UPK1B: variants seen among roughly 807,000 people sequenced by gnomAD.
The protein encoded by UPK1B is uroplakin 1B.
In UPK1B, 28 loss-of-function variants were observed where a neutral mutation model predicts 34.2. The observed-to-expected ratio is 0.82, with a 90% CI of 0.61 to 1.12. UPK1B has a LOEUF of 1.12. Ranked by LOEUF, UPK1B falls within the 50% of genes most tolerant of loss-of-function variation. UPK1B has a pLI of 0.00. For synonymous variants in UPK1B, 81 were observed against 110.4 expected, an observed-to-expected ratio of 0.73 and a Z score of 1.67; for missense variants, 325 against 320.9, an observed-to-expected ratio of 1.01 and a Z score of -0.10.
chr3:119,175,414 G>A (rs2077952036), intron 1 of UPK1B, among the ~76,000 whole-genome samples: 1 of 152,060 alleles, frequency 6.6e-6, no homozygotes, highest in Non-Finnish European at 1.5e-5. Context: ...TCTGGAATTT[G>A]TGCCTGATAG....
chr3:119,191,504 C>T (rs2078044040), intron 5 of UPK1B, among the ~76,000 whole-genome samples: 1 of 152,046 alleles, frequency 6.6e-6, no homozygotes, highest in African/African-American at 2.4e-5. Flanking sequence ...TCCAAGTCTT[C>T]CAGAATATCC....
chr3:119,199,332 T>A (rs2078081427), intron 7 of UPK1B, among the ~76,000 whole-genome samples, 192 bp downstream of exon 7: 1 of 152,186 alleles, frequency 6.6e-6, no homozygotes, highest in Non-Finnish European at 1.5e-5. Context: ...TAACTTCCCC[T>A]ACCAGGGAAA....
At chr3:119,175,072 G>C (rs2077949312) in intron 1 of UPK1B, among the ~76,000 whole-genome samples, 1 of 120,140 alleles carries the variant, frequency 8.3e-6, no homozygotes, top group African/African-American at 3.2e-5. Context: ...CTGAGGCCCA[G>C]GCTGGAGTGC....
At chr3:119,202,008 C>T (rs2078093377) in intron 7 of UPK1B, among the ~76,000 whole-genome samples, 1 of 152,082 alleles carries the variant, frequency 6.6e-6, no homozygotes, top group African/African-American at 2.4e-5. Context: ...CTTGATTTTC[C>T]ACAAGTATCA....
intron 1 of UPK1B, among the ~76,000 whole-genome samples, chr3:119,183,605 C>T (rs904694505): frequency 6.6e-6 from 1 of 152,152 alleles, no homozygotes; most frequent in South Asian, 2.1e-4. Context: ...GCTTCTCCCC[C>T]TAGATCCTTC....
rs2078106838 is a variant in UPK1B at position 119,203,914 on chromosome 3, C to A, written c.733-3C>A. Reference sequence around the variant, plus strand: ...TATTTTTCCTTGTTTTTTTCTATTCCAGTTTTGGGTTCTCCTGGGTACCAT... The same window carrying A: ...TATTTTTCCTTGTTTTTTTCTATTCAAGTTTTGGGTTCTCCTGGGTACCAT... On this transcript the variant is annotated splice_polypyrimidine_tract_variant and splice_region_variant and intron_variant, in intron 7 of 7. Coordinates refer to ENST00000264234, the MANE Select transcript of UPK1B (RefSeq NM_006952.4). 4 of 1,613,276 alleles carry A rather than the reference C, an allele frequency of 2.5e-6. No homozygotes were observed. Among genetic ancestry groups the A allele is most frequent in the Middle Eastern group, 3.3e-4 (2 of 6,082 alleles).
chr3:119,190,345 T>G, intron 4 of UPK1B, 26 bp downstream of exon 4: 1 of 1,546,942 alleles, frequency 6.5e-7, no homozygotes, highest in Non-Finnish European at 8.9e-7. Flanking sequence ...AAAAGCAAAA[T>G]AATATGAATT....
chr3:119,198,216 A>G (rs1245330905), intron 6 of UPK1B, among the ~76,000 whole-genome samples: 1 of 152,174 alleles, frequency 6.6e-6, no homozygotes, highest in Non-Finnish European at 1.5e-5. Context: ...GCTTAAGCTC[A>G]TTCGCTTTAT....
intron 5 of UPK1B, among the ~76,000 whole-genome samples, chr3:119,193,659 A>G (rs1241532431): frequency 6.6e-6 from 1 of 152,212 alleles, no homozygotes; most frequent in African/African-American, 2.4e-5. Flanking sequence ...AAGCAAAACA[A>G]GAACAATTAC....
At chr3:119,198,970 GA>G in intron 6 of UPK1B, 86 bp from the exon 7 acceptor site, 1 of 1,460,832 alleles carries the variant, frequency 6.8e-7, no homozygotes. Context: ...GAGTAGCATT[GA>G]TTCCAATAGG....
At chr3:119,183,783 GAAGATGAATAT>G (rs1422724378) in intron 1 of UPK1B, among the ~76,000 whole-genome samples, 4 of 152,214 alleles carry the variant, frequency 2.6e-5, no homozygotes, top group Admixed American at 2.6e-4. Flanking sequence ...GGTCTGTTGA[GAAGATGAATAT>G]CAAATGCCTA....
Position 119,190,184 on chromosome 3 carries a change from TG to T in UPK1B, c.271-58del. 3 of 1,296,910 alleles carry T rather than the reference TG, an allele frequency of 2.3e-6. No homozygotes were observed. The Admixed American group carries it at 6.0e-5, about 26-fold the overall frequency. 80.3% of individuals were successfully genotyped at this position (1,296,910 alleles called of 1,614,324 possible). A position where few individuals can be genotyped will look rare whatever the true frequency, so the allele number is the denominator to read the frequency against. ...AATTTGCTGAAAAAACATAATTATT[TG>T]GGCAAGTCGCTCTTTGACGGGTAAA... On this transcript the variant is annotated intron_variant, in intron 3 of 7. Coordinates refer to ENST00000264234, the MANE Select transcript of UPK1B (RefSeq NM_006952.4).
chr3:119,184,541 A>G (rs1185239166), intron 1 of UPK1B, among the ~76,000 whole-genome samples: 3 of 148,776 alleles, frequency 2.0e-5, no homozygotes, highest in Non-Finnish European at 3.0e-5. Context: ...AATATGGTGG[A>G]ACCCCATCTC....
intron 4 of UPK1B, 135 bp downstream of exon 4, chr3:119,190,454 C>T (rs554567999): frequency 1.7e-6 from 1 of 574,902 alleles, no homozygotes; most frequent in Non-Finnish European, 3.0e-6. Context: ...ACTTAATCCT[C>T]ATAAATCTAT....
At chr3:119,182,404 T>C (rs1176141024) in intron 1 of UPK1B, among the ~76,000 whole-genome samples, 2 of 152,226 alleles carry the variant, frequency 1.3e-5, no homozygotes. Context: ...CTGCCCTTCC[T>C]AAATATCCTC....
intron 7 of UPK1B, among the ~76,000 whole-genome samples, chr3:119,201,009 A>T (rs2078088231): frequency 6.6e-6 from 1 of 152,208 alleles, no homozygotes; most frequent in African/African-American, 2.4e-5. Flanking sequence ...TTACTGCTTC[A>T]TTGAGGACAA....
At chr3:119,198,851 T>C (rs1171833113) in intron 6 of UPK1B, among the ~76,000 whole-genome samples, 1 of 152,248 alleles carries the variant, frequency 6.6e-6, no homozygotes, top group African/African-American at 2.4e-5. Flanking sequence ...AAATGTGTTG[T>C]GGAATCATTG....
chr3:119,191,167 C>T (rs2078042476), intron 5 of UPK1B, 63 bp downstream of exon 5: 13 of 1,573,362 alleles, frequency 8.3e-6, no homozygotes, highest in Middle Eastern at 1.8e-4. Flanking sequence ...GTGTCATACA[C>T]ATGACTCAGT....
rs1014562510 is a variant in UPK1B, at chr3:119,199,636, C to T, written c.732+496C>T. 8.5e-5 allele frequency among the ~76,000 whole-genome samples: 13 copies of T among 152,252 alleles called. 1 individual carries two copies. Among genetic ancestry groups the T allele is most frequent in the African/African-American group, 2.4e-5 (1 of 41,474 alleles). Reference sequence around the variant, plus strand: ...GAGGTTGGAGCGGTGGTTCTCAGCCCTGGCTACACATTAAAACGCCATGGG... The same window carrying T: ...GAGGTTGGAGCGGTGGTTCTCAGCCTTGGCTACACATTAAAACGCCATGGG... On this transcript the variant is annotated intron_variant, in intron 7 of 7. Coordinates refer to ENST00000264234, the MANE Select transcript of UPK1B (RefSeq NM_006952.4).
Sources: gnomAD v4.1 joint callset for allele counts (sites outside exome capture counted in the v4.1 genomes callset) on GRCh38, gnomAD v4.1.1 for gene constraint, MANE v1.5 for transcripts, NCBI Gene and HGNC (gene_info 2026-07-23, HGNC 2026-07-21) for gene names.